Variants in SLC39A10 observed in about 807,000 individuals in gnomAD.
SLC39A10 encodes the protein solute carrier family 39 member 10.
Under a neutral mutation model 65.1 loss-of-function variants are expected in SLC39A10, and 13 were observed. The observed-to-expected ratio is 0.20, with a 90% CI of 0.13 to 0.32. The LOEUF is 0.32. SLC39A10 is among the 10% of genes least tolerant of loss of function. SLC39A10 has a pLI of 1.00. For synonymous variants in SLC39A10, 321 were observed against 342.2 expected (o/e 0.94, Z 0.68); for missense variants, 831 against 1,018.4 (o/e 0.82, Z 2.50).
intron 4 of SLC39A10, among the ~76,000 whole-genome samples, chr2:195,707,591 CTTT>C: frequency 6.9e-6 from 1 of 145,222 alleles, no homozygotes; most frequent in Non-Finnish European, 1.5e-5. Context: ...TATGGCATTG[CTTT>C]TTTTTTTTTT....
chr2:195,688,855 G>C (rs1690620965), intron 3 of SLC39A10, among the ~76,000 whole-genome samples: 1 of 152,142 alleles, frequency 6.6e-6, no homozygotes, highest in South Asian at 2.1e-4. Flanking sequence ...GTAGTTATAA[G>C]TTTGTTTTGT....
chr2:195,695,594 A>G (rs1360425672), intron 3 of SLC39A10, among the ~76,000 whole-genome samples: 1 of 152,152 alleles, frequency 6.6e-6, no homozygotes, highest in African/African-American at 2.4e-5. Context: ...TGCAGAGGCA[A>G]TCCAGTTCCT....
intron 2 of SLC39A10, among the ~76,000 whole-genome samples, chr2:195,639,819 C>T (rs1468717291): frequency 6.6e-6 from 1 of 152,200 alleles, no homozygotes; most frequent in African/African-American, 2.4e-5. Flanking sequence ...CCTGGCTCAG[C>T]CTCCCAAAGC....
At chr2:195,725,074 T>A (rs1406388293) in intron 8 of SLC39A10, among the ~76,000 whole-genome samples, 1 of 151,172 alleles carries the variant, frequency 6.6e-6, no homozygotes, top group East Asian at 1.9e-4. Flanking sequence ...GACATCTACA[T>A]GCAATTAAAA....
chr2:195,662,294 A>G (rs1296477112), intron 1 of SLC39A10, among the ~76,000 whole-genome samples: 2 of 148,094 alleles, frequency 1.4e-5, no homozygotes, highest in Admixed American at 6.7e-5. Context: ...TTTTTGTGAG[A>G]CAGTATCTCT....
At chr2:195,727,016 C>T (rs1158508890) in intron 8 of SLC39A10, among the ~76,000 whole-genome samples, 1 of 152,076 alleles carries the variant, frequency 6.6e-6, no homozygotes, top group African/African-American at 2.4e-5. Context: ...GACCCATTAG[C>T]TTCAATACTA....
chr2:195,691,290 A>G (rs1690731300), intron 3 of SLC39A10, among the ~76,000 whole-genome samples: 1 of 152,216 alleles, frequency 6.6e-6, no homozygotes, highest in African/African-American at 2.4e-5. Flanking sequence ...GGCTGGTTCC[A>G]TATTTTTGGA....
At chr2:195,687,060 A>T (rs1417354064) in intron 3 of SLC39A10, among the ~76,000 whole-genome samples, 2 of 152,118 alleles carry the variant, frequency 1.3e-5, no homozygotes, top group African/African-American at 4.8e-5. Flanking sequence ...TGGGGCTTTG[A>T]ACTGGATTTG....
chr2:195,681,266 C>T (rs187153238), intron 2 of SLC39A10, among the ~76,000 whole-genome samples: 4 of 152,268 alleles, frequency 2.6e-5, no homozygotes. Flanking sequence ...GTGGCTCACA[C>T]CTGTAATCCC....
intron 2 of SLC39A10, among the ~76,000 whole-genome samples, chr2:195,634,153 C>A (rs1367054998): frequency 6.6e-6 from 1 of 152,220 alleles, no homozygotes; most frequent in Non-Finnish European, 1.5e-5. Context: ...TTACTAAAGA[C>A]CACATCCCCA....
intron 6 of SLC39A10, among the ~76,000 whole-genome samples, chr2:195,714,335 A>C (rs1691709940): frequency 6.6e-6 from 1 of 152,192 alleles, no homozygotes; most frequent in Non-Finnish European, 1.5e-5. Context: ...CCATTTTCAA[A>C]ATCTATTCTT....
chr2:195,643,348 A>T (rs72929775), intron 2 of SLC39A10, among the ~76,000 whole-genome samples: 1 of 152,090 alleles, frequency 6.6e-6, no homozygotes, highest in Non-Finnish European at 1.5e-5. Flanking sequence ...GGCAGAGTGC[A>T]TACAAGGATG....
chr2:195,704,621 A>G (rs1301678038), intron 3 of SLC39A10, among the ~76,000 whole-genome samples: 1 of 152,068 alleles, frequency 6.6e-6, no homozygotes, highest in Non-Finnish European at 1.5e-5. Flanking sequence ...TATAAACGGG[A>G]CAAACAAACT....
intron 2 of SLC39A10, among the ~76,000 whole-genome samples, chr2:195,619,639 A>G (rs1231073036): frequency 6.6e-6 from 1 of 152,240 alleles, no homozygotes; most frequent in Non-Finnish European, 1.5e-5. Flanking sequence ...TAGAATGACA[A>G]ATTAGATCTG....
At chr2:195,686,929 T>C (rs1478699812) in intron 3 of SLC39A10, among the ~76,000 whole-genome samples, 1 of 152,242 alleles carries the variant, frequency 6.6e-6, no homozygotes, top group African/African-American at 2.4e-5. Flanking sequence ...AGTAGTATTT[T>C]GACAGATTTG....
At chr2:195,637,931 T>A (rs1040818440) in intron 2 of SLC39A10, among the ~76,000 whole-genome samples, 2 of 152,124 alleles carry the variant, frequency 1.3e-5, no homozygotes, top group African/African-American at 4.8e-5. Context: ...GTTAGGAACT[T>A]AGGAAATACC....
intron 2 of SLC39A10, among the ~76,000 whole-genome samples, chr2:195,620,363 CATTCACAA>C (rs1302474908): frequency 1.1e-4 from 17 of 152,172 alleles, no homozygotes; most frequent in Non-Finnish European, 1.6e-4. Flanking sequence ...ATGGTGACTC[CATTCACAA>C]TAAATAAATG....
Position 195,700,654 on chromosome 2 carries a change from C to T in SLC39A10, c.1217-5962C>T, listed in dbSNP as rs75868214. On this transcript the variant is annotated intron_variant, in intron 3 of 9. Transcript: ENST00000359634. ...TTTACTTGGGAATGTCTTAGTTTCT[C>T]CCTCACTTTTGAACGTCAATTTTGC... Among the ~76,000 whole-genome samples, 1,298 of 152,228 alleles carry T rather than the reference C, an allele frequency of 8.5e-3. 15 individuals are homozygous for T. The highest frequency in any genetic ancestry group is 0.03 in the African/African-American group (1,254 of 41,546).
chr2:195,733,113 T>G (rs1228108561), intron 9 of SLC39A10, among the ~76,000 whole-genome samples: 1 of 152,208 alleles, frequency 6.6e-6, no homozygotes, highest in African/African-American at 2.4e-5. Context: ...GTACCCATTA[T>G]TTAATAACAA....
Sources: gnomAD v4.1 joint callset for allele counts (sites outside exome capture counted in the v4.1 genomes callset) on GRCh38, gnomAD v4.1.1 for gene constraint, MANE v1.5 for transcripts, NCBI Gene and HGNC (gene_info 2026-07-23, HGNC 2026-07-21) for gene names.